The following TMEM243 variants were observed in gnomAD, a reference collection of about 807,000 sequenced individuals.
TMEM243 encodes MDR1 and mitochondrial taxol resistance associated.
Under a neutral mutation model 15.0 loss-of-function variants are expected in TMEM243, and 20 were observed. The observed-to-expected ratio is 1.33, with a 90% CI of 0.94 to 1.93. The LOEUF (loss-of-function observed/expected upper bound fraction) is 1.93. Among genes scored for constraint, TMEM243 ranks in the 30% most tolerant of loss-of-function variants. TMEM243 has a pLI of 0.00. For missense variants in TMEM243, 156 were observed against 142.1 expected (o/e 1.10, Z -0.50); for synonymous variants, 72 against 52.7 (o/e 1.37, Z -1.59).
At chr7:87,197,145 T>TAGTTCATTGTCTGTTAGTCAC (rs1801350173) in intron 3 of TMEM243, among the ~76,000 whole-genome samples, 3 of 152,094 alleles carry the variant, frequency 2.0e-5, no homozygotes, top group African/African-American at 7.2e-5. Flanking sequence ...TGGATTAAAC[T>TAGTTCATTGTCTGTTAGTCAC]AGTTCATTGT....
chr7:87,215,639 T>G (rs1419490123), intron 1 of TMEM243, among the ~76,000 whole-genome samples: 1 of 152,260 alleles, frequency 6.6e-6, no homozygotes, highest in Non-Finnish European at 1.5e-5. Context: ...TTTCTTATCA[T>G]CTTGGTATCT....
At chr7:87,202,767 A>C (rs1451112585) in intron 1 of TMEM243, among the ~76,000 whole-genome samples, 1 of 152,214 alleles carries the variant, frequency 6.6e-6, no homozygotes, top group African/African-American at 2.4e-5. Flanking sequence ...TTCTCATCTC[A>C]TTCTGCCACT....
chr7:87,198,626 C>A (rs73208521), intron 2 of TMEM243: 7,929 of 247,384 alleles, frequency 0.032, 169 homozygotes, highest in East Asian at 0.058. Flanking sequence ...GTATACAGTA[C>A]AACTACTATA....
At chr7:87,209,633 A>AGAGCGAGAGAGACAGT (rs1276893375) in intron 1 of TMEM243, among the ~76,000 whole-genome samples, 12 of 129,682 alleles carry the variant, frequency 9.3e-5, no homozygotes, top group Non-Finnish European at 1.8e-4. Context: ...ACTGAGATAG[A>AGAGCGAGAGAGACAGT]GAGCGAGAGA....
At chr7:87,219,289 G>A (rs1284560111) in intron 1 of TMEM243, 137 bp downstream of exon 1, 1 of 778,608 alleles carries the variant, frequency 1.3e-6, no homozygotes, top group Non-Finnish European at 2.2e-6. Flanking sequence ...CATCTTGAGA[G>A]GGAAGTGGGA....
chr7:87,209,690 G>GACAC (rs57159581), intron 1 of TMEM243, among the ~76,000 whole-genome samples: 1,927 of 145,410 alleles, frequency 0.013, 112 homozygotes, highest in African/African-American at 0.045. Flanking sequence ...GACACAGCGA[G>GACAC]AGAGCGAGAC....
At position 87,199,054 on chromosome 7, in the gene TMEM243, G is replaced by C. The variant is rs749427401; in HGVS notation, c.82C>G (p.Arg28Gly). The C allele has an allele frequency of 8.7e-6, 14 of 1,604,800 alleles. No homozygotes were observed. ...CTGCCAACAACTAAATTGATGATTCGATCCTGAAAGAGAAAAGAATTTTTA... is the reference window on the plus strand; with the variant it reads ...CTGCCAACAACTAAATTGATGATTCCATCCTGAAAGAGAAAAGAATTTTTA... The part of the protein sequence containing the change: ...PLFGETSAKD[R>G]IINLVVGSLT... The change falls in exon 2 of 4, where the codon CGA (arginine) becomes GGA (glycine). Residue 28 changes from arginine to glycine, a missense_variant. Physicochemically the swap from Arg to Gly is moderately radical, Grantham distance 125. Transcript: ENST00000257637.
At chr7:87,209,805 A>AGACAGTGAGAGC (rs1802584502) in intron 1 of TMEM243, among the ~76,000 whole-genome samples, 9 of 141,314 alleles carry the variant, frequency 6.4e-5, no homozygotes, top group African/African-American at 2.1e-4. Context: ...AGACAGAGCG[A>AGACAGTGAGAGC]GAGACAGTGA....
At chr7:87,216,489 C>T (rs564982604) in intron 1 of TMEM243, among the ~76,000 whole-genome samples, 1 of 152,260 alleles carries the variant, frequency 6.6e-6, no homozygotes, top group East Asian at 1.9e-4. Flanking sequence ...CAATAGAGAA[C>T]TGTTTCACTT....
chr7:87,209,748 C>CACAGAGCGAG (rs755952915), intron 1 of TMEM243, among the ~76,000 whole-genome samples: 12 of 58,378 alleles, frequency 2.1e-4, no homozygotes, highest in African/African-American at 8.3e-4. Flanking sequence ...GAGAGCGAGA[C>CACAGAGCGAG]ACAGAGCGAG....
chr7:87,214,284 T>A (rs1802956585), intron 1 of TMEM243, among the ~76,000 whole-genome samples: 1 of 152,212 alleles, frequency 6.6e-6, no homozygotes. Context: ...AATTTAGTGC[T>A]CTTCTAACAC....
chr7:87,209,838 GAGA>G (rs1584541749), intron 1 of TMEM243, among the ~76,000 whole-genome samples: 9 of 143,364 alleles, frequency 6.3e-5, no homozygotes, highest in African/African-American at 1.7e-4. Context: ...CAGTGAGAGA[GAGA>G]CAGTGAGAGC....
At chr7:87,220,434 C>T (rs1010251614), upstream of TMEM243, 2 of 152,288 alleles carry the variant, frequency 1.3e-5, no homozygotes, top group African/African-American at 4.8e-5. Flanking sequence ...GGGTCCACAC[C>T]CCCGCCGGGA....
intron 1 of TMEM243, among the ~76,000 whole-genome samples, chr7:87,203,726 A>G (rs577510156): frequency 1.1e-4 from 17 of 152,348 alleles, no homozygotes; most frequent in African/African-American, 3.8e-4. Context: ...AACTAATAAT[A>G]AAAGTAAGCA....
chr7:87,198,332 T>A, intron 2 of TMEM243: 1 of 315,978 alleles, frequency 3.2e-6, no homozygotes, highest in Non-Finnish European at 5.8e-6. Context: ...GATTAATGAT[T>A]CTGCTGGTAA....
chr7:87,201,783 C>T (rs1236411000), intron 1 of TMEM243, among the ~76,000 whole-genome samples: 4 of 152,198 alleles, frequency 2.6e-5, no homozygotes, highest in African/African-American at 9.7e-5. Flanking sequence ...CTAGCTCTGT[C>T]TCCTCCCCAG....
intron 1 of TMEM243, among the ~76,000 whole-genome samples, chr7:87,200,251 A>C (rs953092695): frequency 3.3e-5 from 5 of 152,066 alleles, no homozygotes; most frequent in Non-Finnish European, 5.9e-5. Context: ...AAGATACTGG[A>C]CTCCAGCCAC....
At chr7:87,215,373 G>T (rs1204647351) in intron 1 of TMEM243, among the ~76,000 whole-genome samples, 1 of 151,918 alleles carries the variant, frequency 6.6e-6, no homozygotes, top group Non-Finnish European at 1.5e-5. Flanking sequence ...CAAAGTGCTG[G>T]GATTACAGGC....
intron 1 of TMEM243, among the ~76,000 whole-genome samples, chr7:87,206,891 C>T (rs974201231): frequency 2.6e-5 from 4 of 152,228 alleles, no homozygotes; most frequent in African/African-American, 9.6e-5. Flanking sequence ...GAATGCCTCT[C>T]ACCAGTAGAG....
Sources: allele counts gnomAD v4.1 joint callset (sites outside exome capture counted in the v4.1 genomes callset), GRCh38; gene constraint gnomAD v4.1.1; transcripts MANE v1.5; gene names NCBI Gene and HGNC (gene_info 2026-07-23, HGNC 2026-07-21).